Variants in SEMA5A observed in about 807,000 individuals in gnomAD.
SEMA5A encodes the protein semaphorin-5A.
SEMA5A carries 55 observed loss-of-function variants against 135.5 expected under a neutral mutation model. The ratio of observed to expected loss-of-function variants is 0.41; its 90% confidence interval spans 0.33 to 0.51. The LOEUF is 0.51. Among genes scored for constraint, SEMA5A ranks in the 20% least tolerant of loss-of-function variants. SEMA5A has a pLI of 0.37. For missense variants in SEMA5A, 1,290 were observed against 1,419.9 expected (o/e 0.91, Z 1.47); for synonymous variants, 580 against 546.5 (o/e 1.06, Z -0.85).
chr5:9,163,995 G>A (rs1336379022), intron 11 of SEMA5A, among the ~76,000 whole-genome samples: 1 of 135,012 alleles, frequency 7.4e-6, no homozygotes, highest in Non-Finnish European at 1.5e-5. Context: ...TATATATTAT[G>A]TATATAATAT....
intron 2 of SEMA5A, among the ~76,000 whole-genome samples, chr5:9,407,677 A>C (rs1464654110): frequency 6.6e-6 from 1 of 152,192 alleles, no homozygotes; most frequent in Non-Finnish European, 1.5e-5. Flanking sequence ...AGGGATCAGC[A>C]ATAAAGAATA....
At chr5:9,436,879 G>A (rs1758051056) in intron 2 of SEMA5A, among the ~76,000 whole-genome samples, 2 of 152,150 alleles carry the variant, frequency 1.3e-5, no homozygotes, top group Non-Finnish European at 1.5e-5. Context: ...AGGCTCCTGT[G>A]AAGCCAGCAT....
intron 16 of SEMA5A, among the ~76,000 whole-genome samples, chr5:9,107,776 G>A (rs989033737): frequency 6.6e-6 from 1 of 152,066 alleles, no homozygotes; most frequent in African/African-American, 2.4e-5. Flanking sequence ...AGCACTCAGT[G>A]GTTGCAGAAC....
intron 5 of SEMA5A, among the ~76,000 whole-genome samples, chr5:9,300,088 A>G (rs1751538186): frequency 1.3e-5 from 2 of 152,104 alleles, no homozygotes; most frequent in South Asian, 2.1e-4. Flanking sequence ...GTGCACTGGC[A>G]CTATCATGGC....
At chr5:9,053,155 T>C (rs149045795) in intron 19 of SEMA5A, among the ~76,000 whole-genome samples, 26 of 152,328 alleles carry the variant, frequency 1.7e-4, no homozygotes, top group African/African-American at 5.3e-4. Context: ...TCATTCCAGG[T>C]CATTCCTTCA....
At position 9,039,608 on chromosome 5, in the gene SEMA5A, C is replaced by G. The variant is rs770534714; in HGVS notation, c.*3289G>C. 6.6e-6 allele frequency: 1 copy of G among 152,328 alleles called. No homozygotes were observed. The highest frequency in any genetic ancestry group is 6.5e-5 in the Admixed American group (1 of 15,294). 9.4% of individuals were successfully genotyped at this position (152,328 alleles called of 1,614,324 possible). On this transcript the variant is annotated 3_prime_UTR_variant, in exon 23 of 23. Coordinates refer to ENST00000382496, the MANE Select transcript of SEMA5A (RefSeq NM_003966.3). ...AACCATCCCTACAAACATGAAGAAG[C>G]TGAGATGCCTCATGTAAGTCACAAG...
intron 1 of SEMA5A, among the ~76,000 whole-genome samples, chr5:9,484,510 T>G (rs1760002353): frequency 6.6e-6 from 1 of 152,206 alleles, no homozygotes; most frequent in African/African-American, 2.4e-5. Flanking sequence ...TGAGCATGTT[T>G]TAATAATGCT....
At chr5:9,271,759 G>C (rs115226059) in intron 5 of SEMA5A, among the ~76,000 whole-genome samples, 1 of 152,122 alleles carries the variant, frequency 6.6e-6, no homozygotes, top group East Asian at 1.9e-4. Flanking sequence ...CACTTCACCC[G>C]GGAAGCACAA....
chr5:9,051,468 A>G (rs939803969), intron 20 of SEMA5A, among the ~76,000 whole-genome samples: 5 of 152,232 alleles, frequency 3.3e-5, no homozygotes, highest in African/African-American at 1.2e-4. Context: ...TCTCAAGTAT[A>G]TTAAAGATAG....
chr5:9,185,798 A>C (rs978285139), intron 11 of SEMA5A, among the ~76,000 whole-genome samples: 3 of 152,186 alleles, frequency 2.0e-5, no homozygotes, highest in Non-Finnish European at 4.4e-5. Context: ...AGAAGGGAGA[A>C]TAGAAAGCCC....
Position 9,206,198 on chromosome 5 carries a change from A to T in SEMA5A, c.647-3958T>A, listed in dbSNP as rs75462702. On this transcript the variant is annotated intron_variant, in intron 8 of 22. Transcript: ENST00000382496. ...TAGGAGTGCATGAAAGAGAGATCTGAGGTATGTTGCTAACTAAATCACAGT... is the reference window on the plus strand; with the variant it reads ...TAGGAGTGCATGAAAGAGAGATCTGTGGTATGTTGCTAACTAAATCACAGT... 8.5e-5 allele frequency among the ~76,000 whole-genome samples: 13 copies of T among 152,326 alleles called. No homozygotes were observed. The East Asian group carries it at 2.5e-3, about 29-fold the overall frequency.
intron 8 of SEMA5A, among the ~76,000 whole-genome samples, chr5:9,208,768 T>C (rs942140773): frequency 6.6e-6 from 1 of 152,062 alleles, no homozygotes; most frequent in Non-Finnish European, 1.5e-5. Flanking sequence ...TCAACTGCCA[T>C]TGGAGAGACA....
chr5:9,499,333 AT>A (rs1415088399), intron 1 of SEMA5A, among the ~76,000 whole-genome samples: 1 of 152,206 alleles, frequency 6.6e-6, no homozygotes, highest in Non-Finnish European at 1.5e-5. Flanking sequence ...ACATGAAAAA[AT>A]GTCATCAAAT....
chr5:9,413,720 A>G (rs1233756795), intron 2 of SEMA5A, among the ~76,000 whole-genome samples: 1 of 152,210 alleles, frequency 6.6e-6, no homozygotes, highest in East Asian at 1.9e-4. Context: ...AGGATAGGGA[A>G]GACAAGTGGT....
At chr5:9,317,917 C>T (rs1032521500) in intron 5 of SEMA5A, among the ~76,000 whole-genome samples, 26 of 152,216 alleles carry the variant, frequency 1.7e-4, no homozygotes, top group Middle Eastern at 6.8e-3. Flanking sequence ...TGATCTATTT[C>T]CCTTTATTCT....
At chr5:9,099,377 AG>A (rs542978432) in intron 16 of SEMA5A, among the ~76,000 whole-genome samples, 157 of 152,372 alleles carry the variant, frequency 1.0e-3, no homozygotes, top group Non-Finnish European at 1.9e-3. Flanking sequence ...ATTAAAAAAA[AG>A]AAAACAAACT....
At chr5:9,340,095 A>C (rs2150725808) in intron 3 of SEMA5A, among the ~76,000 whole-genome samples, 1 of 152,300 alleles carries the variant, frequency 6.6e-6, no homozygotes, top group Non-Finnish European at 1.5e-5. Context: ...CAAGAATGGG[A>C]ATGTTTCAGG....
At chr5:9,330,453 G>GCT (rs1554020735) in intron 4 of SEMA5A, among the ~76,000 whole-genome samples, 1 of 147,376 alleles carries the variant, frequency 6.8e-6, no homozygotes, top group Non-Finnish European at 1.5e-5. Context: ...GTTTTGTTTT[G>GCT]TTTTTTTACA....
intron 3 of SEMA5A, among the ~76,000 whole-genome samples, chr5:9,366,482 G>A (rs1267877932): frequency 5.3e-5 from 8 of 151,640 alleles, no homozygotes. Flanking sequence ...TCTGCCTCCC[G>A]GGTTCACGCC....
Sources: allele counts gnomAD v4.1 joint callset (sites outside exome capture counted in the v4.1 genomes callset), GRCh38; gene constraint gnomAD v4.1.1; transcripts MANE v1.5; gene names NCBI Gene and HGNC (gene_info 2026-07-23, HGNC 2026-07-21).